WARS2: variants seen among roughly 807,000 people sequenced by gnomAD.
WARS2 encodes tryptophanyl tRNA synthetase 2, mitochondrial.
Under a neutral mutation model 36.5 loss-of-function variants are expected in WARS2, and 28 were observed. The observed-to-expected ratio is 0.77, with a 90% confidence interval of 0.57 to 1.05. The LOEUF is 1.05. WARS2 is among the 50% of genes least tolerant of loss of function. The pLI, the probability that WARS2 is intolerant of heterozygous loss-of-function variation, is 0.00. For missense variants in WARS2, 435 were observed against 456.8 expected (o/e 0.95, Z 0.44); for synonymous variants, 174 against 178.4 (o/e 0.98, Z 0.20).
At chr1:119,100,368 G>A (rs1653768413) in intron 1 of WARS2, among the ~76,000 whole-genome samples, 1 of 152,142 alleles carries the variant, frequency 6.6e-6, no homozygotes. Flanking sequence ...CAGCTTCTAT[G>A]GAAAACTGTA....
intron 2 of WARS2, among the ~76,000 whole-genome samples, chr1:119,061,305 A>G (rs1650358462): frequency 6.6e-6 from 1 of 152,240 alleles, no homozygotes; most frequent in African/African-American, 2.4e-5. Context: ...GCTTAAAGAT[A>G]CAAAAGAAAA....
chr1:119,136,327 T>C (rs950468969), intron 1 of WARS2, among the ~76,000 whole-genome samples: 4 of 152,216 alleles, frequency 2.6e-5, no homozygotes, highest in African/African-American at 9.6e-5. Flanking sequence ...CCTTCCTCTA[T>C]ATTTTCAACA....
chr1:119,094,445 ATG>A (rs1237939591), intron 1 of WARS2, among the ~76,000 whole-genome samples: 1 of 151,798 alleles, frequency 6.6e-6, no homozygotes, highest in Non-Finnish European at 1.5e-5. Flanking sequence ...GTTTTGAGAT[ATG>A]TGTTTGTTTT....
intron 3 of WARS2, among the ~76,000 whole-genome samples, chr1:119,043,119 C>T (rs570198738): frequency 6.6e-6 from 1 of 152,332 alleles, no homozygotes; most frequent in African/African-American, 2.4e-5. Context: ...CCTAATGATG[C>T]TAACTCCCTT....
At chr1:119,114,176 T>C (rs920833712) in intron 1 of WARS2, among the ~76,000 whole-genome samples, 5 of 152,190 alleles carry the variant, frequency 3.3e-5, no homozygotes, top group African/African-American at 4.8e-5. Context: ...GCTCTAGTAA[T>C]GACTTGATTA....
At chr1:119,035,830 A>C (rs1170556251) in intron 4 of WARS2, among the ~76,000 whole-genome samples, 1 of 152,238 alleles carries the variant, frequency 6.6e-6, no homozygotes, top group Non-Finnish European at 1.5e-5. Flanking sequence ...TAAGGAAAAC[A>C]AGAACAGAAC....
chr1:119,041,748 A>G (rs890066554), intron 4 of WARS2, among the ~76,000 whole-genome samples: 4 of 152,190 alleles, frequency 2.6e-5, no homozygotes, highest in African/African-American at 9.7e-5. Context: ...AAAAATCAAC[A>G]TGTAAAATGC....
chr1:119,046,659 A>T (rs1162451772), intron 2 of WARS2, among the ~76,000 whole-genome samples: 1 of 151,868 alleles, frequency 6.6e-6, no homozygotes, highest in African/African-American at 2.4e-5. Flanking sequence ...CCCAGCCCCA[A>T]ATTTGTTTGT....
At chr1:119,129,408 C>G (rs587767269) in intron 1 of WARS2, among the ~76,000 whole-genome samples, 48 of 152,276 alleles carry the variant, frequency 3.2e-4, no homozygotes, top group African/African-American at 1.1e-3. Flanking sequence ...AAAGATGCCA[C>G]AATCAAACCC....
chr1:119,080,737 T>A (rs1652125373), intron 1 of WARS2, among the ~76,000 whole-genome samples: 1 of 152,062 alleles, frequency 6.6e-6, no homozygotes, highest in Non-Finnish European at 1.5e-5. Context: ...GGGGTTGGAA[T>A]GTGGAGTTTG....
At chr1:119,132,114 T>C (rs774227757) in intron 1 of WARS2, among the ~76,000 whole-genome samples, 28 of 152,284 alleles carry the variant, frequency 1.8e-4, no homozygotes, top group Middle Eastern at 3.4e-3. Flanking sequence ...AGGAGTATTA[T>C]TAACATGTTG....
chr1:119,062,020 C>A lies in WARS2; in HGVS notation c.348+14330G>T, dbSNP rs928630029. On this transcript the variant is annotated intron_variant, in intron 2 of 5. Transcript: ENST00000235521. ...AACTGGTACATCTCTTTCAGTGACC[C>A]CAAGGTCTATATATGAAATGTAAAA... Among the ~76,000 whole-genome samples, 18 of 152,128 alleles carry A rather than the reference C, an allele frequency of 1.2e-4. 1 individual carries two copies. The highest frequency in any genetic ancestry group is 4.1e-4 in the African/African-American group (17 of 41,502).
intron 1 of WARS2, among the ~76,000 whole-genome samples, chr1:119,123,240 C>G (rs56348524): frequency 1.3e-5 from 2 of 152,008 alleles, no homozygotes; most frequent in African/African-American, 4.8e-5. Context: ...TGGGAAAACT[C>G]TGGCCTTGTG....
chr1:119,033,834 T>A lies in WARS2; in HGVS notation c.634+261A>T, dbSNP rs184825865. Among the ~76,000 whole-genome samples the A allele has an allele frequency of 7.8e-3, 1,186 of 152,356 alleles. 14 individuals carry two copies. Among genetic ancestry groups the A allele is most frequent in the African/African-American group, 0.027 (1,128 of 41,580 alleles). ...AAATTATATACTACTTTATAAATAT[T>A]ATTTTAAATTTTTGGTCTCTTCCAT... On this transcript the variant is annotated intron_variant, in intron 5 of 5. Transcript: ENST00000235521.
intron 1 of WARS2, among the ~76,000 whole-genome samples, chr1:119,106,159 A>C (rs1437697048): frequency 6.6e-6 from 1 of 152,162 alleles, no homozygotes; most frequent in Non-Finnish European, 1.5e-5. Flanking sequence ...AAATTAATAA[A>C]TTTATTTTTT....
At chr1:119,066,216 G>A (rs373018111) in intron 2 of WARS2, among the ~76,000 whole-genome samples, 4 of 152,008 alleles carry the variant, frequency 2.6e-5, no homozygotes, top group South Asian at 4.1e-4. Flanking sequence ...GGTGGCTCAC[G>A]CCTGTAATCC....
intron 1 of WARS2, chr1:119,126,897 C>T (rs932483210): frequency 1.2e-6 from 1 of 800,804 alleles, no homozygotes; most frequent in South Asian, 1.4e-5. Flanking sequence ...CTGATTGTTG[C>T]ATTTTTTAGT....
chr1:119,069,782 G>A (rs143297878), intron 2 of WARS2, among the ~76,000 whole-genome samples: 6 of 152,082 alleles, frequency 3.9e-5, no homozygotes, highest in Non-Finnish European at 7.4e-5. Flanking sequence ...GCCTTGTGGG[G>A]AATGAACTGC....
intron 1 of WARS2, among the ~76,000 whole-genome samples, chr1:119,083,656 A>C (rs1454977171): frequency 6.6e-6 from 1 of 152,212 alleles, no homozygotes; most frequent in African/African-American, 2.4e-5. Flanking sequence ...TTTGGCTCCC[A>C]GGAAGGATTA....
Sources: gnomAD v4.1 joint callset for allele counts (sites outside exome capture counted in the v4.1 genomes callset) on GRCh38, gnomAD v4.1.1 for gene constraint, MANE v1.5 for transcripts, NCBI Gene and HGNC (gene_info 2026-07-23, HGNC 2026-07-21) for gene names.